GPC5: variants seen among roughly 807,000 people sequenced by gnomAD.
GPC5 encodes the protein glypican 5, also known as glypican-5.
GPC5 carries 47 observed loss-of-function variants against 53.9 expected under a neutral mutation model. The observed-to-expected ratio is 0.87, with a 90% CI of 0.69 to 1.11. The LOEUF is 1.11. GPC5 is among the 50% of genes most tolerant of loss of function. The pLI, the probability that GPC5 is intolerant of heterozygous loss-of-function variation, is 0.00. For synonymous variants in GPC5, 286 were observed against 263.3 expected (o/e 1.09, Z -0.84); for missense variants, 748 against 713.1 (o/e 1.05, Z -0.56).
intron 5 of GPC5, among the ~76,000 whole-genome samples, chr13:91,771,821 C>A (rs1446486875): frequency 2.0e-5 from 3 of 152,122 alleles, no homozygotes; most frequent in African/African-American, 7.2e-5. Context: ...TGATATCTTA[C>A]TTCAGAACAA....
At chr13:92,653,756 T>A (rs1277193534) in intron 7 of GPC5, among the ~76,000 whole-genome samples, 2 of 152,204 alleles carry the variant, frequency 1.3e-5, no homozygotes, top group African/African-American at 4.8e-5. Context: ...AATCAGGCAC[T>A]GCCAAGCTAT....
chr13:92,732,591 AAGTT>A (rs1888837654), intron 7 of GPC5, among the ~76,000 whole-genome samples: 1 of 151,644 alleles, frequency 6.6e-6, no homozygotes, highest in Non-Finnish European at 1.5e-5. Context: ...TTATAACTCA[AAGTT>A]AGCAAATGAA....
At chr13:92,169,621 G>C (rs766965843) in intron 7 of GPC5, among the ~76,000 whole-genome samples, 3 of 151,962 alleles carry the variant, frequency 2.0e-5, no homozygotes, top group Non-Finnish European at 2.9e-5. Flanking sequence ...TTCAATATTA[G>C]CTTTTTAAAA....
intron 7 of GPC5, among the ~76,000 whole-genome samples, chr13:92,757,117 C>A (rs2139334077): frequency 6.6e-6 from 1 of 152,130 alleles, no homozygotes; most frequent in South Asian, 2.1e-4. Context: ...CAGCATGGTA[C>A]TGGTACCAAA....
At chr13:92,438,412 C>T (rs553896052) in intron 7 of GPC5, among the ~76,000 whole-genome samples, 13 of 147,238 alleles carry the variant, frequency 8.8e-5, no homozygotes, top group South Asian at 8.6e-4. Context: ...ATATATATTA[C>T]GAGACATGCC....
At chr13:92,509,956 A>C (rs1396363981) in intron 7 of GPC5, 1 of 152,314 alleles carries the variant, frequency 6.6e-6, no homozygotes, top group Non-Finnish European at 1.5e-5. Flanking sequence ...TATGCTATAC[A>C]CATACTCTAA....
At chr13:91,833,307 C>T (rs2038684873) in intron 5 of GPC5, among the ~76,000 whole-genome samples, 1 of 152,096 alleles carries the variant, frequency 6.6e-6, no homozygotes, top group Admixed American at 6.6e-5. Context: ...CCGAATTCTA[C>T]CAGAGGTACA....
intron 2 of GPC5, among the ~76,000 whole-genome samples, chr13:91,568,939 C>A (rs1238177179): frequency 6.6e-6 from 1 of 151,932 alleles, no homozygotes; most frequent in African/African-American, 2.4e-5. Flanking sequence ...GTAGTAGAAA[C>A]AGGGTTTTAC....
intron 7 of GPC5, among the ~76,000 whole-genome samples, chr13:92,521,408 G>A (rs1048633992): frequency 2.6e-5 from 4 of 152,140 alleles, no homozygotes; most frequent in Non-Finnish European, 5.9e-5. Flanking sequence ...GAAACAGCAT[G>A]GTACTCGTAC....
At chr13:92,631,184 T>G (rs1885223093) in intron 7 of GPC5, among the ~76,000 whole-genome samples, 1 of 152,180 alleles carries the variant, frequency 6.6e-6, no homozygotes, top group African/African-American at 2.4e-5. Flanking sequence ...GAGAAAATGC[T>G]TGTCAATGTT....
chr13:92,015,120 G>C (rs545911686), intron 6 of GPC5, among the ~76,000 whole-genome samples: 15 of 152,196 alleles, frequency 9.9e-5, no homozygotes, highest in Admixed American at 8.5e-4. Context: ...TCAAAGTCTA[G>C]AGACATTTTT....
chr13:92,025,517 T>C (rs1216040076), intron 6 of GPC5, among the ~76,000 whole-genome samples: 1 of 152,168 alleles, frequency 6.6e-6, no homozygotes, highest in Admixed American at 6.5e-5. Context: ...GAATTCCATG[T>C]CGGAAGTAGT....
Position 91,572,094 on chromosome 13 carries a change from T to TGTGTGTATATACACACATGTATATATAC in GPC5, c.326-121077_326-121050dup, listed in dbSNP as rs1566516988. ...ATACACACATATGTATATGTACATG[T>TGTGTGTATATACACACATGTATATATAC]GTGTGTATATACACACATGTATATA... is the stretch of plus-strand genomic sequence containing the variant. On this transcript the variant is annotated intron_variant, in intron 2 of 7. Transcript: ENST00000377067. Among the ~76,000 whole-genome samples, 145 of 126,108 alleles carry TGTGTGTATATACACACATGTATATATAC rather than the reference T, an allele frequency of 1.1e-3. 9 individuals carry two copies. The highest frequency in any genetic ancestry group is 4.9e-3 in the African/African-American group (113 of 22,876). The allele number at this position is 126,108 out of a possible 152,430, so 82.7% of individuals were successfully genotyped here.
At chr13:92,421,698 CAAA>C (rs34055682) in intron 7 of GPC5, among the ~76,000 whole-genome samples, 19 of 69,480 alleles carry the variant, frequency 2.7e-4, no homozygotes, top group African/African-American at 7.5e-4. Flanking sequence ...GACTCCGTCT[CAAA>C]AAAAAAAAAA....
At chr13:92,572,090 A>G (rs1177471077) in intron 7 of GPC5, among the ~76,000 whole-genome samples, 1 of 152,194 alleles carries the variant, frequency 6.6e-6, no homozygotes, top group African/African-American at 2.4e-5. Context: ...CTATAAATCT[A>G]CTTCATCTAG....
intron 7 of GPC5, among the ~76,000 whole-genome samples, chr13:92,287,521 T>C (rs980535396): frequency 6.6e-6 from 1 of 151,912 alleles, no homozygotes; most frequent in Admixed American, 6.6e-5. Context: ...CTCATACATA[T>C]TGAAGCTCTT....
At chr13:92,413,644 A>C (rs1445651932) in intron 7 of GPC5, among the ~76,000 whole-genome samples, 2 of 152,158 alleles carry the variant, frequency 1.3e-5, no homozygotes, top group East Asian at 3.9e-4. Flanking sequence ...GTGAAAACAG[A>C]ATTGATTTTA....
intron 3 of GPC5, among the ~76,000 whole-genome samples, chr13:91,716,720 A>T (rs2036346083): frequency 6.6e-6 from 1 of 152,196 alleles, no homozygotes; most frequent in South Asian, 2.1e-4. Context: ...GTGGAATGTT[A>T]TAGGTAAGTA....
intron 2 of GPC5, among the ~76,000 whole-genome samples, chr13:91,637,365 A>G (rs991763966): frequency 1.3e-5 from 2 of 152,250 alleles, no homozygotes; most frequent in Non-Finnish European, 2.9e-5. Flanking sequence ...GCGAGAGCCT[A>G]GAGATTTACA....
Sources: gnomAD v4.1 joint callset for allele counts (sites outside exome capture counted in the v4.1 genomes callset) on GRCh38, gnomAD v4.1.1 for gene constraint, MANE v1.5 for transcripts, NCBI Gene and HGNC (gene_info 2026-07-23, HGNC 2026-07-21) for gene names.